Variants in ZMYM6 observed in about 807,000 individuals in gnomAD.
ZMYM6 encodes the protein zinc finger MYM-type protein 6.
ZMYM6 carries 90 observed loss-of-function variants against 134.0 expected under a neutral mutation model. That is an observed-to-expected ratio of 0.67 (90% CI 0.57 to 0.80). The LOEUF (loss-of-function observed/expected upper bound fraction) is 0.80, where lower values mean the gene tolerates loss of function less well. ZMYM6 is among the 30% of genes least tolerant of loss of function. ZMYM6 has a pLI of 0.00. For missense variants in ZMYM6, 1,362 were observed against 1,533.9 expected, an observed-to-expected ratio of 0.89 and a Z score of 1.87; for synonymous variants, 481 against 524.1, an observed-to-expected ratio of 0.92 and a Z score of 1.12.
intron 4 of ZMYM6, 96 bp downstream of exon 4, chr1:35,019,257 G>T: frequency 6.5e-7 from 1 of 1,539,440 alleles, no homozygotes. Flanking sequence ...ACAGATACAT[G>T]CTGAAGAGAT....
chr1:35,004,331 AAAAC>A (rs1392133433), intron 13 of ZMYM6, among the ~76,000 whole-genome samples: 4 of 152,226 alleles, frequency 2.6e-5, no homozygotes, highest in Non-Finnish European at 5.9e-5. Flanking sequence ...GATTAAAAAG[AAAAC>A]AAACAAATTA....
At chr1:34,989,021 A>G (rs1262942939) in intron 15 of ZMYM6, 86 bp from the exon 16 acceptor site, 1 of 1,522,402 alleles carries the variant, frequency 6.6e-7, no homozygotes, top group East Asian at 2.3e-5. Context: ...TAAAATTCAT[A>G]TTTTGTTACT....
rs148770346 is a variant in ZMYM6 at position 35,027,496 on chromosome 1, C to G, written c.93+3051G>C. ...AGGCATGATGGCTCATGCCTGTAAT[C>G]CCAGCACTTTGGGAGGCCAAGGCAG... On this transcript the variant is annotated intron_variant, in intron 2 of 15. Transcript: ENST00000357182. Among the ~76,000 whole-genome samples, 550 of 152,246 alleles carry G rather than the reference C, an allele frequency of 3.6e-3. 6 individuals carry two copies. Among genetic ancestry groups the G allele is most frequent in the African/African-American group, 0.012 (509 of 41,534 alleles).
rs1182245061 is a variant in ZMYM6, at chr1:34,987,622, A to G, written c.3460T>C (p.Trp1154Arg). The G allele has an allele frequency of 1.9e-6, 3 of 1,598,556 alleles. No homozygotes were observed. The highest frequency in any genetic ancestry group is 1.7e-5 in the Admixed American group (1 of 57,812). Reference protein sequence around the residue: ...IDVFKRKLKMWLKRTQENDYD... With the variant: ...IDVFKRKLKMRLKRTQENDYD... ...TCATTCTCTTGTGTGCGCTTCAACC[A>G]CATTTTTAACTTTCTCTTAAATACA... Residue 1154 changes from tryptophan (W) to arginine (R), a missense_variant, in exon 16 of 16, where the codon TGG (tryptophan) becomes CGG (arginine). Around this residue, in one of 3 missense-constraint regions of ZMYM6, gnomAD observed 824 missense variants for 940.9 expected, o/e 0.88. Coordinates refer to ENST00000357182, the MANE Select transcript of ZMYM6 (RefSeq NM_007167.4).
At chr1:35,012,395 T>C (rs757530219) in intron 7 of ZMYM6, 36 bp downstream of exon 7, 2 of 1,417,592 alleles carry the variant, frequency 1.4e-6, no homozygotes, top group East Asian at 2.7e-5. Context: ...CTTCAATAGT[T>C]ATTAAATCTA....
At chr1:35,028,307 G>C (rs1044759758) in intron 2 of ZMYM6, among the ~76,000 whole-genome samples, 10 of 144,022 alleles carry the variant, frequency 6.9e-5, no homozygotes, top group Non-Finnish European at 3.0e-5. Flanking sequence ...GACAGAGCAA[G>C]ACTCCATCTC....
intron 4 of ZMYM6, among the ~76,000 whole-genome samples, chr1:35,016,570 A>G (rs1462220611): frequency 6.6e-6 from 1 of 152,258 alleles, no homozygotes; most frequent in Non-Finnish European, 1.5e-5. Context: ...ACACTAGTGC[A>G]GGCCACAAAG....
chr1:34,993,060 A>G (rs1048853486), intron 14 of ZMYM6, among the ~76,000 whole-genome samples: 1 of 150,546 alleles, frequency 6.6e-6, no homozygotes, highest in Admixed American at 6.6e-5. Context: ...AAAAAGAACT[A>G]AAGTCACTAG....
At chr1:35,023,412 G>A (rs920486704) in intron 2 of ZMYM6, among the ~76,000 whole-genome samples, 1 of 151,988 alleles carries the variant, frequency 6.6e-6, no homozygotes, top group Non-Finnish European at 1.5e-5. Context: ...TGGCCAAAAT[G>A]CTAGTTCTCA....
chr1:35,019,195 T>C (rs1303212747), intron 4 of ZMYM6, 158 bp downstream of exon 4: 3 of 1,077,974 alleles, frequency 2.8e-6, no homozygotes, highest in Non-Finnish European at 4.0e-6. Context: ...TTATTTAATG[T>C]TGCAAAACTT....
chr1:35,020,304 G>A, intron 3 of ZMYM6, 79 bp downstream of exon 3: 2 of 1,289,402 alleles, frequency 1.6e-6, no homozygotes, highest in Middle Eastern at 4.5e-4. Context: ...AGACATACAT[G>A]AAAAGATGCT....
Position 34,987,637 on chromosome 1 carries a change from T to C in ZMYM6, c.3445A>G (p.Arg1149Gly). 1 of 1,581,690 alleles carries C rather than the reference T, an allele frequency of 6.3e-7. No homozygotes were observed. The highest frequency in any genetic ancestry group is 1.1e-5 in the South Asian group (1 of 87,398). The change falls in exon 16 of 16, where the codon AGA becomes GGA. Residue 1149 changes from arginine (R) to glycine (G), a missense_variant. This residue lies in a region of ZMYM6 where 824 missense variants were observed against 940.9 expected (regional missense o/e 0.88). Coordinates refer to ENST00000357182, the MANE Select transcript of ZMYM6 (RefSeq NM_007167.4). ...NLCNKIDVFK[R>G]KLKMWLKRTQ... ...CGCTTCAACCACATTTTTAACTTTC[T>C]CTTAAATACATCAATTTTATTACAC...
chr1:34,996,198 C>T (rs1303214410), intron 14 of ZMYM6, among the ~76,000 whole-genome samples: 3 of 152,016 alleles, frequency 2.0e-5, no homozygotes, highest in Admixed American at 6.6e-5. Context: ...TGACCATTAT[C>T]AATAGATGTG....
At chr1:35,026,187 A>T (rs1250001971) in intron 2 of ZMYM6, among the ~76,000 whole-genome samples, 1 of 151,670 alleles carries the variant, frequency 6.6e-6, no homozygotes, top group Non-Finnish European at 1.5e-5. Context: ...CGCCCGGCTA[A>T]TTGTTGTATT....
chr1:34,994,821 TC>T (rs1031629424), intron 14 of ZMYM6, among the ~76,000 whole-genome samples: 18 of 151,132 alleles, frequency 1.2e-4, no homozygotes, highest in African/African-American at 4.4e-4. Flanking sequence ...ATACAGTTGT[TC>T]CCCCTTATCT....
chr1:35,023,106 GTTCT>G (rs1350439128), intron 2 of ZMYM6, among the ~76,000 whole-genome samples: 6 of 151,902 alleles, frequency 3.9e-5, no homozygotes, highest in Non-Finnish European at 2.9e-5. Flanking sequence ...CAAAATGCTA[GTTCT>G]TTTTTTTTTT....
intron 13 of ZMYM6, 94 bp from the exon 14 acceptor site, chr1:35,004,099 A>G (rs937198554): frequency 1.9e-5 from 22 of 1,143,646 alleles, no homozygotes; most frequent in Non-Finnish European, 2.0e-5. Flanking sequence ...AAGCTGGGCT[A>G]GAGTCTAAAC....
At chr1:34,998,754 C>T (rs936966813) in intron 14 of ZMYM6, among the ~76,000 whole-genome samples, 7 of 152,058 alleles carry the variant, frequency 4.6e-5, no homozygotes, top group Non-Finnish European at 1.0e-4. Flanking sequence ...GAATCTGGAG[C>T]TCAAAGGTCA....
intron 2 of ZMYM6, among the ~76,000 whole-genome samples, chr1:35,023,340 C>G (rs1306121905): frequency 6.6e-6 from 1 of 152,074 alleles, no homozygotes; most frequent in East Asian, 1.9e-4. Flanking sequence ...CTCCTGACCT[C>G]AGGTGATCTG....
Sources: allele counts gnomAD v4.1 joint callset (sites outside exome capture counted in the v4.1 genomes callset), GRCh38; gene constraint gnomAD v4.1.1; regional missense constraint gnomAD v4.1.1; transcripts MANE v1.5; gene names NCBI Gene and HGNC (gene_info 2026-07-23, HGNC 2026-07-21).